The following BCKDHB variants were observed in gnomAD, a reference collection of about 807,000 sequenced individuals.
The protein encoded by BCKDHB is branched chain keto acid dehydrogenase E1 subunit beta.
Under a neutral mutation model 48.5 loss-of-function variants are expected in BCKDHB, and 41 were observed. The ratio of observed to expected loss-of-function variants is 0.85; its 90% CI spans 0.66 to 1.10. The LOEUF (loss-of-function observed/expected upper bound fraction) is 1.10, where lower values mean the gene tolerates loss of function less well. Among genes scored for constraint, BCKDHB ranks in the 50% least tolerant of loss-of-function variants. BCKDHB has a pLI of 0.00. For synonymous variants in BCKDHB, 201 were observed against 174.8 expected (o/e 1.15, Z -1.18); for missense variants, 496 against 494.2 (o/e 1.00, Z -0.03).
chr6:80,338,420 G>A (rs1022747085), intron 9 of BCKDHB, among the ~76,000 whole-genome samples: 16 of 152,112 alleles, frequency 1.1e-4, no homozygotes, highest in African/African-American at 3.4e-4. Context: ...TTAGCGTTTA[G>A]GCGTCCTGCA....
At chr6:80,366,643 G>A in the BCKDHB span, among the ~76,000 whole-genome samples, 1 of 152,122 alleles carries the variant, frequency 6.6e-6, no homozygotes, top group South Asian at 2.1e-4. Flanking sequence ...AGTGCCCAAC[G>A]TACAGAGAGT....
the BCKDHB span, among the ~76,000 whole-genome samples, chr6:80,363,118 A>G: frequency 3.3e-5 from 5 of 152,182 alleles, no homozygotes; most frequent in Non-Finnish European, 7.3e-5. Flanking sequence ...TTCTCTACCT[A>G]AAGTCAGACA....
chr6:80,161,007 C>G (rs1772285253), intron 3 of BCKDHB, among the ~76,000 whole-genome samples: 1 of 151,250 alleles, frequency 6.6e-6, no homozygotes, highest in Non-Finnish European at 1.5e-5. Flanking sequence ...TTTTTTTTGC[C>G]CAATCAAAGC....
intron 9 of BCKDHB, among the ~76,000 whole-genome samples, chr6:80,300,409 A>G (rs766291899): frequency 6.6e-6 from 1 of 152,210 alleles, no homozygotes; most frequent in Non-Finnish European, 1.5e-5. Context: ...AGGAAGGACA[A>G]TGAAGGGCAT....
At chr6:80,141,116 C>T (rs542469847) in intron 3 of BCKDHB, among the ~76,000 whole-genome samples, 34 of 152,042 alleles carry the variant, frequency 2.2e-4, no homozygotes, top group Non-Finnish European at 3.5e-4. Context: ...TAATCTCTGA[C>T]GGTAGTTTGT....
At chr6:80,250,769 A>T (rs1776806168) in intron 8 of BCKDHB, among the ~76,000 whole-genome samples, 1 of 152,142 alleles carries the variant, frequency 6.6e-6, no homozygotes, top group Non-Finnish European at 1.5e-5. Flanking sequence ...GGCACAGTGG[A>T]TATACAGCAT....
chr6:80,295,858 A>C (rs1050151842), intron 9 of BCKDHB, among the ~76,000 whole-genome samples: 1 of 152,134 alleles, frequency 6.6e-6, no homozygotes, highest in Non-Finnish European at 1.5e-5. Context: ...CTCCCACCGG[A>C]TCCCTCCTAT....
intron 3 of BCKDHB, among the ~76,000 whole-genome samples, chr6:80,136,097 T>G (rs761549143): frequency 8.5e-5 from 13 of 152,208 alleles, no homozygotes; most frequent in Non-Finnish European, 1.8e-4. Flanking sequence ...CTTCTGCCTT[T>G]TGCCTATTGT....
At chr6:80,315,863 G>A (rs1768420271) in intron 9 of BCKDHB, among the ~76,000 whole-genome samples, 1 of 152,104 alleles carries the variant, frequency 6.6e-6, no homozygotes, top group African/African-American at 2.4e-5. Flanking sequence ...AATATGTAAA[G>A]CACCTACCAC....
intron 9 of BCKDHB, chr6:80,307,364 T>C (rs1450005628): frequency 1.1e-6 from 1 of 923,108 alleles, no homozygotes; most frequent in Non-Finnish European, 1.3e-6. Context: ...ATGTAATAAA[T>C]TGTTTATATT....
At chr6:80,378,191 A>G in the BCKDHB span, among the ~76,000 whole-genome samples, 1 of 152,146 alleles carries the variant, frequency 6.6e-6, no homozygotes, top group Non-Finnish European at 1.5e-5. Context: ...TAGTGTACTC[A>G]TCATCAAAAT....
At chr6:80,148,561 C>T (rs1771601593) in intron 3 of BCKDHB, among the ~76,000 whole-genome samples, 1 of 152,082 alleles carries the variant, frequency 6.6e-6, no homozygotes, top group South Asian at 2.1e-4. Flanking sequence ...ATGATTATAG[C>T]AATTATCATG....
chr6:80,300,197 C>T (rs890940705), intron 9 of BCKDHB, among the ~76,000 whole-genome samples: 13 of 151,958 alleles, frequency 8.6e-5, no homozygotes, highest in African/African-American at 4.8e-5. Context: ...GACCACAGGC[C>T]GTGCCACCAT....
At chr6:80,332,877 A>G (rs2322751) in intron 9 of BCKDHB, among the ~76,000 whole-genome samples, 117,358 of 151,240 alleles carry the variant, frequency 0.78, 45,909 homozygotes, top group Admixed American at 0.84. Context: ...AGTTCCACCC[A>G]TGTCCATCCT....
At chr6:80,431,389 C>T in the BCKDHB span, among the ~76,000 whole-genome samples, 1 of 152,094 alleles carries the variant, frequency 6.6e-6, no homozygotes, top group Non-Finnish European at 1.5e-5. Context: ...AATTTTCTGT[C>T]TCATTGATCT....
intron 8 of BCKDHB, among the ~76,000 whole-genome samples, chr6:80,224,474 C>T (rs912285796): frequency 2.6e-5 from 4 of 152,054 alleles, no homozygotes; most frequent in Non-Finnish European, 4.4e-5. Context: ...CTCACTGCAA[C>T]CTCTGCCTCC....
chr6:80,109,702 C>G (rs566700010), intron 1 of BCKDHB, among the ~76,000 whole-genome samples: 4 of 152,250 alleles, frequency 2.6e-5, no homozygotes, highest in African/African-American at 7.2e-5. Flanking sequence ...GATGTATTTA[C>G]ATATTTTTAA....
the BCKDHB span, chr6:80,374,562 G>A: frequency 4.4e-6 from 3 of 680,170 alleles, no homozygotes; most frequent in Admixed American, 3.9e-5. Context: ...AAGTGTATAG[G>A]GCACCATTTT....
chr6:80,247,066 G>A (rs1171577334), intron 8 of BCKDHB, among the ~76,000 whole-genome samples: 1 of 152,156 alleles, frequency 6.6e-6, no homozygotes, highest in Admixed American at 6.5e-5. Flanking sequence ...TTTCATATAA[G>A]CTCTCAATTC....
Sources: gnomAD v4.1 joint callset for allele counts (sites outside exome capture counted in the v4.1 genomes callset) on GRCh38, gnomAD v4.1.1 for gene constraint, MANE v1.5 for transcripts, NCBI Gene and HGNC (gene_info 2026-07-23, HGNC 2026-07-21) for gene names.